Variants in SPAG16 observed in about 807,000 individuals in gnomAD.
SPAG16 encodes the protein sperm-associated antigen 16 protein.
SPAG16 carries 86 observed loss-of-function variants against 80.4 expected under a neutral mutation model. That is an observed-to-expected ratio of 1.07 (90% CI 0.90 to 1.28). The LOEUF (loss-of-function observed/expected upper bound fraction) is 1.28, where lower values mean the gene tolerates loss of function less well. Among genes scored for constraint, SPAG16 ranks in the 50% most tolerant of loss-of-function variants. The pLI is 0.00. For missense variants in SPAG16, 870 were observed against 765.3 expected (o/e 1.14, Z -1.61); for synonymous variants, 294 against 265.9 (o/e 1.11, Z -1.03).
chr2:214,363,751 A>G (rs1420258846), intron 15 of SPAG16, among the ~76,000 whole-genome samples: 1 of 152,094 alleles, frequency 6.6e-6, no homozygotes. Context: ...ACCAAAGGTT[A>G]CAAAGACCGA....
chr2:213,632,735 T>G (rs1289698315), intron 10 of SPAG16, among the ~76,000 whole-genome samples: 2 of 152,192 alleles, frequency 1.3e-5, no homozygotes, highest in South Asian at 2.1e-4. Context: ...GATCATATGG[T>G]TTTTATCCTT....
At chr2:213,896,573 G>GAC (rs2076996295) in intron 11 of SPAG16, among the ~76,000 whole-genome samples, 1 of 60,478 alleles carries the variant, frequency 1.7e-5, no homozygotes, top group Non-Finnish European at 4.0e-5. Context: ...GATAAAATGT[G>GAC]ATATATACAC....
chr2:214,274,675 G>A lies in SPAG16; in HGVS notation c.1720+125409G>A, dbSNP rs988597536. Among the ~76,000 whole-genome samples the A allele has an allele frequency of 7.2e-5, 11 of 152,140 alleles. 1 individual carries two copies. The highest frequency in any genetic ancestry group is 2.7e-4 in the African/African-American group (11 of 41,438). ...CTTGATTGTCTTGGATAAGCTTTTT[G>A]TTGTGCTGCTGGATTAAGATTGCCA... is the stretch of plus-strand genomic sequence containing the variant. On this transcript the variant is annotated intron_variant, in intron 15 of 15. Coordinates refer to ENST00000331683, the MANE Select transcript of SPAG16 (RefSeq NM_024532.5).
chr2:213,749,464 G>GTT (rs1419861382), intron 10 of SPAG16, among the ~76,000 whole-genome samples: 1 of 152,166 alleles, frequency 6.6e-6, no homozygotes, highest in Admixed American at 6.5e-5. Context: ...TCAGGATCTT[G>GTT]TAAGGGTGAC....
intron 13 of SPAG16, among the ~76,000 whole-genome samples, chr2:214,059,260 G>A (rs372138169): frequency 2.7e-4 from 36 of 132,926 alleles, no homozygotes; most frequent in South Asian, 7.2e-4. Flanking sequence ...ATATATGTAT[G>A]TATATATATA....
chr2:213,637,378 C>T (rs2062405419), intron 10 of SPAG16, among the ~76,000 whole-genome samples: 2 of 152,186 alleles, frequency 1.3e-5, no homozygotes, highest in Non-Finnish European at 2.9e-5. Context: ...CTATGTTTAT[C>T]AGGCATATTG....
intron 15 of SPAG16, among the ~76,000 whole-genome samples, chr2:214,177,971 G>GTGTGTATATATATA (rs1397087073): frequency 3.4e-5 from 2 of 59,362 alleles, no homozygotes; most frequent in African/African-American, 1.2e-4. Context: ...CAAAGTGTAT[G>GTGTGTATATATATA]TATATATATA....
At chr2:213,874,877 A>G (rs1460800107) in intron 11 of SPAG16, among the ~76,000 whole-genome samples, 1 of 152,128 alleles carries the variant, frequency 6.6e-6, no homozygotes, top group East Asian at 1.9e-4. Flanking sequence ...TGTCATTTAT[A>G]TGCATGGGAT....
At chr2:214,272,731 G>A (rs1692128193) in intron 15 of SPAG16, among the ~76,000 whole-genome samples, 1 of 152,156 alleles carries the variant, frequency 6.6e-6, no homozygotes, top group African/African-American at 2.4e-5. Context: ...TTGCTATCGT[G>A]AATAGTGCTG....
At chr2:214,073,868 T>C (rs1056038140) in intron 13 of SPAG16, among the ~76,000 whole-genome samples, 2 of 152,146 alleles carry the variant, frequency 1.3e-5, no homozygotes, top group African/African-American at 4.8e-5. Context: ...TGGAACAAAA[T>C]AGAAGGCCTA....
intron 15 of SPAG16, among the ~76,000 whole-genome samples, chr2:214,175,196 A>AAT (rs201731862): frequency 0.16 from 21,834 of 139,824 alleles, 2,479 homozygotes; most frequent in African/African-American, 0.28. Flanking sequence ...GGAATAAAGA[A>AAT]ATATATATAT....
At position 213,563,836 on chromosome 2, in the gene SPAG16, G is replaced by A. The variant is rs181704842; in HGVS notation, c.1070+73746G>A. Among the ~76,000 whole-genome samples the A allele has an allele frequency of 2.4e-3, 364 of 152,296 alleles. 7 individuals carry two copies. Among genetic ancestry groups the A allele is most frequent in the South Asian group, 0.015 (73 of 4,826 alleles). On this transcript the variant is annotated intron_variant, in intron 10 of 15. Transcript: ENST00000331683. ...TTAACGAAGGACTAAACATATTAAT[G>A]TACATGGCTTCTTTTGGTTTTCTCT...
chr2:213,511,574 A>C (rs1023083776), intron 10 of SPAG16, among the ~76,000 whole-genome samples: 1 of 152,090 alleles, frequency 6.6e-6, no homozygotes, highest in African/African-American at 2.4e-5. Context: ...CAAGCACATC[A>C]AAAAGAATAG....
intron 15 of SPAG16, among the ~76,000 whole-genome samples, chr2:214,291,933 G>T (rs960915883): frequency 6.6e-6 from 1 of 152,170 alleles, no homozygotes; most frequent in African/African-American, 2.4e-5. Context: ...AGCATTTCTT[G>T]TAGGGCCAGT....
At chr2:214,064,905 T>C (rs541475665) in intron 13 of SPAG16, among the ~76,000 whole-genome samples, 2 of 152,172 alleles carry the variant, frequency 1.3e-5, no homozygotes, top group South Asian at 4.1e-4. Context: ...TTTTATTACT[T>C]TGGAAGATTC....
chr2:213,993,253 C>T (rs972032207), intron 12 of SPAG16, among the ~76,000 whole-genome samples: 1 of 152,154 alleles, frequency 6.6e-6, no homozygotes, highest in Non-Finnish European at 1.5e-5. Context: ...GATTGCCTGA[C>T]ATAATTCACC....
chr2:214,051,980 A>G (rs1253087210), intron 13 of SPAG16, among the ~76,000 whole-genome samples: 2 of 152,052 alleles, frequency 1.3e-5, no homozygotes, highest in Non-Finnish European at 2.9e-5. Flanking sequence ...TTTTCTTCCT[A>G]TGTGATTTGT....
chr2:214,018,057 G>A (rs1205731706), intron 13 of SPAG16, among the ~76,000 whole-genome samples: 6 of 151,844 alleles, frequency 4.0e-5, no homozygotes, highest in Non-Finnish European at 1.5e-5. Flanking sequence ...TGATAGCTAT[G>A]TACTGTAAAA....
At chr2:213,363,382 TTA>T (rs1163145261) in intron 7 of SPAG16, among the ~76,000 whole-genome samples, 1 of 152,160 alleles carries the variant, frequency 6.6e-6, no homozygotes, top group Non-Finnish European at 1.5e-5. Context: ...AATTAATAAA[TTA>T]TGTTATTTTC....
Sources: gnomAD v4.1 joint callset for allele counts (sites outside exome capture counted in the v4.1 genomes callset) on GRCh38, gnomAD v4.1.1 for gene constraint, MANE v1.5 for transcripts, NCBI Gene and HGNC (gene_info 2026-07-23, HGNC 2026-07-21) for gene names.